The following CNGA3 variants were observed in gnomAD, a reference collection of about 807,000 sequenced individuals.
The protein encoded by CNGA3 is cyclic nucleotide-gated channel alpha-3.
CNGA3 carries 42 observed loss-of-function variants against 46.6 expected under a neutral mutation model. That is an observed-to-expected ratio of 0.90 (90% CI 0.70 to 1.17). The LOEUF (loss-of-function observed/expected upper bound fraction) is 1.17. Ranked by LOEUF, CNGA3 falls within the 50% of genes most tolerant of loss-of-function variation. The pLI is 0.00. For missense variants in CNGA3, 893 were observed against 890.7 expected (o/e 1.00, Z -0.03); for synonymous variants, 394 against 369.4 (o/e 1.07, Z -0.76).
chr2:98,350,417 A>G (rs1312966200), intron 1 of CNGA3, among the ~76,000 whole-genome samples: 1 of 152,232 alleles, frequency 6.6e-6, no homozygotes, highest in Non-Finnish European at 1.5e-5. Context: ...ATTAAGAAAA[A>G]AAACACTTTG....
chr2:98,389,997 G>C (rs1692746255), intron 6 of CNGA3, among the ~76,000 whole-genome samples: 1 of 152,212 alleles, frequency 6.6e-6, no homozygotes, highest in Non-Finnish European at 1.5e-5. Context: ...CAGGTGGACA[G>C]CCAGGGTTTC....
Position 98,396,755 on chromosome 2 carries a change from G to C in CNGA3, c.1585G>C (p.Val529Leu). The C allele has an allele frequency of 3.7e-6, 6 of 1,614,228 alleles. No individual in the cohort carries two copies. Among genetic ancestry groups the C allele is most frequent in the Non-Finnish European group, 5.1e-6 (6 of 1,180,038 alleles). Residue 529 changes from valine to leucine, a missense_variant, in exon 8 of 8, where the codon GTG becomes CTG. By Grantham distance (32) the Val-to-Leu change is conservative. Around this residue, in one of 3 missense-constraint regions of CNGA3, gnomAD observed 548 missense variants for 570.8 expected, o/e 0.96. Transcript: ENST00000272602. The stretch of plus-strand genomic sequence containing the variant: ...CATCATCAACGAGGGCAAGCTGGCC[G>C]TGGTGGCTGATGATGGGGTCACCCA... ...MYIINEGKLA[V>L]VADDGVTQFV...
rs533356670 is a variant in CNGA3 at position 98,398,538 on chromosome 2, TA to T, written c.*1285del. 4 of 152,302 alleles carry T rather than the reference TA, an allele frequency of 2.6e-5. 1 individual carries two copies. In the South Asian group the frequency reaches 8.3e-4, roughly 32 times the overall value. 9.4% of individuals were successfully genotyped at this position (152,302 alleles called of 1,614,324 possible). A position where few individuals can be genotyped will look rare whatever the true frequency, so the allele number is the denominator to read the frequency against. On this transcript the variant is annotated 3_prime_UTR_variant, in exon 8 of 8. Transcript: ENST00000272602. The stretch of plus-strand genomic sequence containing the variant: ...CAAAATGTATATATTTTAAAAGCCT[TA>T]ACTGTTAGTTATGCCTGCATTCATA...
chr2:98,352,994 A>G (rs1691799473), intron 1 of CNGA3, among the ~76,000 whole-genome samples: 1 of 152,204 alleles, frequency 6.6e-6, no homozygotes. Context: ...TTCAAAACTG[A>G]TTTACTAATA....
chr2:98,369,059 C>T (rs1157601209), intron 1 of CNGA3, among the ~76,000 whole-genome samples: 4 of 152,252 alleles, frequency 2.6e-5, no homozygotes, highest in Non-Finnish European at 5.9e-5. Flanking sequence ...CAGCCCCTCT[C>T]ATTCTAACTT....
Position 98,349,563 on chromosome 2 carries a change from TAGGAGTGAC to T in CNGA3, c.-38+3032_-38+3040del, listed in dbSNP as rs1691729989. 3.3e-5 allele frequency among the ~76,000 whole-genome samples: 5 copies of T among 152,300 alleles called. No individual in the cohort carries two copies. In the South Asian group the frequency reaches 1.0e-3, roughly 32 times the overall value. ...TTAGTGCCAGAGAATGGATGGATTG[TAGGAGTGAC>T]AGCCTGAAGATGGGAGATGAGCAAA... is the stretch of plus-strand genomic sequence containing the variant. On this transcript the variant is annotated intron_variant, in intron 1 of 7. Coordinates refer to ENST00000272602, the MANE Select transcript of CNGA3 (RefSeq NM_001298.3).
At chr2:98,364,745 GCTGATA>G (rs759315495) in intron 1 of CNGA3, among the ~76,000 whole-genome samples, 38 of 152,154 alleles carry the variant, frequency 2.5e-4, no homozygotes, top group Admixed American at 4.6e-4. Flanking sequence ...TTTTGTAGTG[GCTGATA>G]ACAGTTTTTC....
At chr2:98,385,407 C>G (rs1335320521) in intron 5 of CNGA3, among the ~76,000 whole-genome samples, 1 of 152,178 alleles carries the variant, frequency 6.6e-6, no homozygotes, top group African/African-American at 2.4e-5. Context: ...TTGAAATACT[C>G]TTGCTGAAAA....
intron 3 of CNGA3, chr2:98,378,268 C>T: frequency 2.0e-6 from 3 of 1,510,258 alleles, no homozygotes; most frequent in South Asian, 1.3e-5. Flanking sequence ...TAGTGAGACT[C>T]CAAGCTCTGC....
chr2:98,361,816 T>C (rs1467910713), intron 1 of CNGA3, among the ~76,000 whole-genome samples: 1 of 150,008 alleles, frequency 6.7e-6, no homozygotes, highest in Non-Finnish European at 1.5e-5. Flanking sequence ...CACACCATTC[T>C]CCTGCCTCAG....
rs1343686402 is a variant in CNGA3 at position 98,377,670 on chromosome 2, C to G, written c.102-17C>G. ...GGCTTGAAATCAATTCTGCTTGCTG[C>G]ATATCTGATTTCCTAGAGCCCACTC... On this transcript the variant is annotated splice_polypyrimidine_tract_variant and intron_variant, in intron 2 of 7. Coordinates refer to ENST00000272602, the MANE Select transcript of CNGA3 (RefSeq NM_001298.3). 1 of 1,605,686 alleles carries G rather than the reference C, an allele frequency of 6.2e-7. No homozygotes were observed. Among genetic ancestry groups the G allele is most frequent in the Non-Finnish European group, 8.5e-7 (1 of 1,175,370 alleles).
chr2:98,392,573 A>G (rs1692816437), intron 7 of CNGA3, among the ~76,000 whole-genome samples: 2 of 151,750 alleles, frequency 1.3e-5, no homozygotes, highest in African/African-American at 2.4e-5. Flanking sequence ...AAAAAGAAAA[A>G]AAAAAGAAAA....
intron 1 of CNGA3, among the ~76,000 whole-genome samples, chr2:98,353,486 C>G (rs2106072013): frequency 6.6e-6 from 1 of 152,282 alleles, no homozygotes; most frequent in Non-Finnish European, 1.5e-5. Flanking sequence ...CCATCCTAGT[C>G]AGTGTTGAGT....
chr2:98,396,393 C>T lies in CNGA3; in HGVS notation c.1223C>T (p.Ala408Val), dbSNP rs1692913716. Residue 408 changes from alanine (A) to valine (V), a missense_variant, in exon 8 of 8, where the codon GCC becomes GTC. Physicochemically the swap from Ala to Val is moderately conservative, Grantham distance 64. Transcript: ENST00000272602. Reference protein sequence around the residue: ...NVGSMISNMNASRAEFQAKID... With the variant: ...NVGSMISNMNVSRAEFQAKID... ...GGCTCCATGATCTCGAATATGAATG[C>T]CTCACGGGCAGAGTTCCAGGCCAAG... 1.9e-6 allele frequency: 3 copies of T among 1,613,928 alleles called. No individual in the cohort carries two copies. Among genetic ancestry groups the T allele is most frequent in the Non-Finnish European group, 2.5e-6 (3 of 1,180,000 alleles).
At chr2:98,369,861 AGCCCTT>A in intron 1 of CNGA3, 72 bp from the exon 2 acceptor site, 1 of 887,612 alleles carries the variant, frequency 1.1e-6, no homozygotes, top group South Asian at 1.4e-5. Flanking sequence ...CGCGTGCGGT[AGCCCTT>A]GCCCTTGATG....
chr2:98,359,975 C>T (rs1691988800), intron 1 of CNGA3, among the ~76,000 whole-genome samples: 1 of 152,232 alleles, frequency 6.6e-6, no homozygotes, highest in African/African-American at 2.4e-5. Context: ...ATTCTATGGG[C>T]TTCTCGACCC....
Position 98,380,158 on chromosome 2 carries a change from C to T in CNGA3, c.216-17C>T, listed in dbSNP as rs748117728. The T allele has an allele frequency of 3.8e-5, 61 of 1,613,734 alleles. No individual in the cohort carries two copies. The highest frequency in any genetic ancestry group is 4.7e-5 in the Non-Finnish European group (55 of 1,180,040). On this transcript the variant is annotated splice_polypyrimidine_tract_variant and intron_variant, in intron 3 of 7. Coordinates refer to ENST00000272602, the MANE Select transcript of CNGA3 (RefSeq NM_001298.3). The stretch of plus-strand genomic sequence containing the variant: ...CTTTTCCTCTCCCTCTGGCTCAGTG[C>T]TTGTGTCACCTTCCAGGCTGTCGCG...
At chr2:98,367,179 TTTTTTC>T (rs1291395305) in intron 1 of CNGA3, among the ~76,000 whole-genome samples, 16 of 127,220 alleles carry the variant, frequency 1.3e-4, no homozygotes, top group African/African-American at 4.5e-4. Flanking sequence ...TTTTTTTCTT[TTTTTTC>T]TTTTTTTTTT....
chr2:98,397,486 C>T lies in CNGA3; in HGVS notation c.*231C>T. 1 of 589,934 alleles carries T rather than the reference C, an allele frequency of 1.7e-6. No individual in the cohort carries two copies. Among genetic ancestry groups the T allele is most frequent in the Non-Finnish European group, 3.0e-6 (1 of 331,286 alleles). The allele number at this position is 589,934 out of a possible 1,614,324, so 36.5% of individuals were successfully genotyped here. On this transcript the variant is annotated 3_prime_UTR_variant, in exon 8 of 8. Transcript: ENST00000272602. ...GTGAAGTCCGCATGAAACACTGCACCAGGCAGGGCTTTGCAAAGTGCAAGG... is the reference window on the plus strand; with the variant it reads ...GTGAAGTCCGCATGAAACACTGCACTAGGCAGGGCTTTGCAAAGTGCAAGG...
Sources: gnomAD v4.1 joint callset for allele counts (sites outside exome capture counted in the v4.1 genomes callset) on GRCh38, gnomAD v4.1.1 for gene constraint, gnomAD v4.1.1 regional missense constraint, MANE v1.5 for transcripts, NCBI Gene and HGNC (gene_info 2026-07-23, HGNC 2026-07-21) for gene names.